Variants in RGS6 observed in about 807,000 individuals in gnomAD.
The protein encoded by RGS6 is regulator of G-protein signaling 6.
In RGS6, 30 loss-of-function variants were observed where a neutral mutation model predicts 78.5. The observed-to-expected ratio is 0.38, with a 90% CI of 0.29 to 0.52. The LOEUF is 0.52. Ranked by LOEUF, RGS6 falls within the 20% of genes least tolerant of loss-of-function variation. The probability of loss-of-function intolerance (pLI) is 0.85; values close to 1 mark genes in which losing one functional copy is unlikely to be tolerated. For missense variants in RGS6, 495 were observed against 609.7 expected (o/e 0.81, Z 1.98); for synonymous variants, 206 against 206.0 (o/e 1.00, Z 0.00).
intron 2 of RGS6, among the ~76,000 whole-genome samples, chr14:72,040,417 C>T (rs2092290014): frequency 6.6e-6 from 1 of 151,350 alleles, no homozygotes; most frequent in Admixed American, 6.6e-5. Flanking sequence ...TTTCTTTTAG[C>T]ATGTTGAGTA....
Position 72,269,693 on chromosome 14 carries a change from T to G in RGS6, c.85-82402T>G, listed in dbSNP as rs2059642640. On this transcript the variant is annotated intron_variant, in intron 2 of 17. Transcript: ENST00000553525. The stretch of plus-strand genomic sequence containing the variant: ...GATTCTCCTGCCTCAGCCTCCCAAA[T>G]AGCTGGGACTACAGGCACCCACCAC... Among the ~76,000 whole-genome samples, 5 of 147,502 alleles carry G rather than the reference T, an allele frequency of 3.4e-5. No homozygotes were observed. In the South Asian group the frequency reaches 1.1e-3, roughly 32 times the overall value.
chr14:72,001,471 AACACACACACACACACACAC>A (rs3053057), intron 2 of RGS6, among the ~76,000 whole-genome samples: 4,603 of 145,706 alleles, frequency 0.032, 83 homozygotes, highest in African/African-American at 0.038. Flanking sequence ...ATAAAAACAG[AACACACACACACACACACAC>A]ACACACACAC....
At chr14:72,165,400 C>A (rs1265482814) in intron 2 of RGS6, among the ~76,000 whole-genome samples, 2 of 152,152 alleles carry the variant, frequency 1.3e-5, no homozygotes, top group African/African-American at 4.8e-5. Context: ...GAGTTAGTTT[C>A]CTAAGTGGCA....
intron 2 of RGS6, among the ~76,000 whole-genome samples, chr14:72,302,168 G>C (rs1278909031): frequency 6.6e-6 from 1 of 152,222 alleles, no homozygotes; most frequent in Non-Finnish European, 1.5e-5. Context: ...ATGTTATAGA[G>C]TCGTAGTCAA....
At chr14:72,160,300 C>A (rs976515465) in intron 2 of RGS6, among the ~76,000 whole-genome samples, 1 of 151,948 alleles carries the variant, frequency 6.6e-6, no homozygotes, top group Non-Finnish European at 1.5e-5. Context: ...TCTTTTTTCC[C>A]TCATAATCAA....
At chr14:72,544,550 G>T (rs2097367211) in intron 17 of RGS6, among the ~76,000 whole-genome samples, 1 of 152,194 alleles carries the variant, frequency 6.6e-6, no homozygotes, top group African/African-American at 2.4e-5. Context: ...TCCTAAGAGA[G>T]CATCGAAGTT....
At chr14:71,945,635 A>G (rs2091394440) in intron 1 of RGS6, among the ~76,000 whole-genome samples, 1 of 152,192 alleles carries the variant, frequency 6.6e-6, no homozygotes, top group African/African-American at 2.4e-5. Context: ...AGACCTGGAT[A>G]CCAAATAAGA....
At chr14:72,239,811 A>G (rs2052270876) in intron 2 of RGS6, among the ~76,000 whole-genome samples, 1 of 152,184 alleles carries the variant, frequency 6.6e-6, no homozygotes, top group Admixed American at 6.5e-5. Flanking sequence ...TCATTTGACC[A>G]TTGAAAATAA....
the RGS6 span, among the ~76,000 whole-genome samples, chr14:71,878,565 T>G: frequency 6.6e-6 from 1 of 152,182 alleles, no homozygotes; most frequent in African/African-American, 2.4e-5. Context: ...TGACCCAATT[T>G]TCCAGGTGCC....
intron 2 of RGS6, among the ~76,000 whole-genome samples, chr14:72,036,683 A>T (rs1053838711): frequency 6.6e-6 from 1 of 152,088 alleles, no homozygotes; most frequent in Non-Finnish European, 1.5e-5. Flanking sequence ...TTGTTCTCTC[A>T]ATATTGAGTT....
chr14:72,555,204 T>G (rs917385373), intron 17 of RGS6, among the ~76,000 whole-genome samples: 1 of 152,208 alleles, frequency 6.6e-6, no homozygotes, highest in Non-Finnish European at 1.5e-5. Context: ...CCTGGGGCAT[T>G]TGCCATGTGT....
At chr14:72,302,802 T>G (rs2066388920) in intron 2 of RGS6, among the ~76,000 whole-genome samples, 1 of 152,108 alleles carries the variant, frequency 6.6e-6, no homozygotes, top group South Asian at 2.1e-4. Flanking sequence ...CCAGATCTCA[T>G]CTTGAATTGT....
chr14:72,077,649 CCTTA>C (rs759148793), intron 2 of RGS6, among the ~76,000 whole-genome samples: 1 of 151,996 alleles, frequency 6.6e-6, no homozygotes, highest in Non-Finnish European at 1.5e-5. Context: ...TGTGCCTGTT[CCTTA>C]CTGTCTTGAC....
intron 16 of RGS6, chr14:72,537,573 G>T: frequency 1.4e-6 from 1 of 702,352 alleles, no homozygotes; most frequent in East Asian, 2.7e-5. Flanking sequence ...TTCCCCTGCT[G>T]GAGGATGCCA....
intron 2 of RGS6, among the ~76,000 whole-genome samples, chr14:72,096,294 G>A (rs2095406432): frequency 1.4e-5 from 2 of 146,176 alleles, no homozygotes; most frequent in Admixed American, 1.4e-4. Flanking sequence ...AAAAAAAAAA[G>A]AAAAGAAAAA....
At chr14:71,928,927 G>A (rs2087760193), upstream of RGS6, among the ~76,000 whole-genome samples, 1 of 152,130 alleles carries the variant, frequency 6.6e-6, no homozygotes, top group Admixed American at 6.5e-5. Context: ...TTATAAAAGG[G>A]AAGACAATTT....
chr14:72,132,988 A>G (rs1390991042), intron 2 of RGS6, among the ~76,000 whole-genome samples: 3 of 152,194 alleles, frequency 2.0e-5, no homozygotes, highest in Non-Finnish European at 4.4e-5. Flanking sequence ...TTTCAAAGCC[A>G]TAGTTTTGTA....
At chr14:72,119,230 T>C (rs2095986064) in intron 2 of RGS6, among the ~76,000 whole-genome samples, 1 of 152,146 alleles carries the variant, frequency 6.6e-6, no homozygotes. Flanking sequence ...CATGACTAGA[T>C]AGGAGTCGGG....
At chr14:72,265,296 G>T (rs1336785454) in intron 2 of RGS6, among the ~76,000 whole-genome samples, 1 of 152,164 alleles carries the variant, frequency 6.6e-6, no homozygotes, top group African/African-American at 2.4e-5. Flanking sequence ...AGGCAACTCT[G>T]TGGCCAATGC....
Sources: gnomAD v4.1 joint callset for allele counts (sites outside exome capture counted in the v4.1 genomes callset) on GRCh38, gnomAD v4.1.1 for gene constraint, MANE v1.5 for transcripts, NCBI Gene and HGNC (gene_info 2026-07-23, HGNC 2026-07-21) for gene names.